The following CENPQ variants were observed in gnomAD, a reference collection of about 807,000 sequenced individuals.
CENPQ encodes the protein chromosome 6 open reading frame 139.
Under a neutral mutation model 36.6 loss-of-function variants are expected in CENPQ, and 27 were observed. The observed-to-expected ratio is 0.74, with a 90% confidence interval of 0.54 to 1.02. The LOEUF is 1.02. CENPQ is among the 50% of genes least tolerant of loss of function. The probability of loss-of-function intolerance (pLI) is 0.00; values close to 1 mark genes in which losing one functional copy is unlikely to be tolerated. For missense variants in CENPQ, 306 were observed against 301.8 expected, an observed-to-expected ratio of 1.01 and a Z score of -0.10; for synonymous variants, 101 against 101.7, an observed-to-expected ratio of 0.99 and a Z score of 0.04.
chr6:49,474,805 T>C (rs754359283), intron 5 of CENPQ, among the ~76,000 whole-genome samples: 2 of 151,678 alleles, frequency 1.3e-5, no homozygotes, highest in African/African-American at 2.4e-5. Flanking sequence ...ATAGATGCAA[T>C]AAAAAACTGA....
intron 4 of CENPQ, 66 bp from the exon 5 acceptor site, chr6:49,472,724 A>G (rs1007331157): frequency 1.5e-5 from 19 of 1,251,974 alleles, no homozygotes; most frequent in South Asian, 4.0e-5. Context: ...TCAGAGAGAA[A>G]AAGTACAAAG....
intron 2 of CENPQ, 56 bp from the exon 3 acceptor site, chr6:49,470,918 T>G: frequency 1.0e-6 from 1 of 975,508 alleles, no homozygotes; most frequent in Non-Finnish European, 1.5e-6. Flanking sequence ...AAAAGCAGGA[T>G]CCTTTTATCT....
intron 5 of CENPQ, among the ~76,000 whole-genome samples, chr6:49,478,066 A>G (rs1217475695): frequency 2.6e-5 from 4 of 152,122 alleles, no homozygotes; most frequent in Admixed American, 2.0e-4. Context: ...AGGCCTGACT[A>G]TTTCCTCCTT....
At chr6:49,466,705 T>G (rs1268489602) in intron 1 of CENPQ, among the ~76,000 whole-genome samples, 1 of 152,202 alleles carries the variant, frequency 6.6e-6, no homozygotes, top group Non-Finnish European at 1.5e-5. Context: ...GTTTATTGGA[T>G]TCTTACTATG....
intron 8 of CENPQ, 21 bp downstream of exon 8, chr6:49,488,705 T>C (rs373972605): frequency 1.5e-5 from 23 of 1,582,324 alleles, no homozygotes; most frequent in Non-Finnish European, 1.6e-5. Context: ...ATTTACCATA[T>C]TGATTACAGG....
chr6:49,468,786 A>G (rs1480599972), intron 1 of CENPQ, among the ~76,000 whole-genome samples: 1 of 152,190 alleles, frequency 6.6e-6, no homozygotes, highest in African/African-American at 2.4e-5. Flanking sequence ...AATGTGTACC[A>G]TTTTTAATCT....
chr6:49,472,215 T>C (rs1213783084), intron 4 of CENPQ, 32 bp downstream of exon 4: 1 of 1,560,706 alleles, frequency 6.4e-7, no homozygotes, highest in Non-Finnish European at 8.7e-7. Flanking sequence ...TTCATTCTTT[T>C]GGTTCCCATT....
At chr6:49,478,832 T>C (rs1193503007) in intron 5 of CENPQ, among the ~76,000 whole-genome samples, 1 of 152,166 alleles carries the variant, frequency 6.6e-6, no homozygotes, top group Non-Finnish European at 1.5e-5. Flanking sequence ...TTCCAGAAAG[T>C]CTGCCCTATA....
Position 49,480,103 on chromosome 6 carries a change from GA to G in CENPQ, c.348-847del, listed in dbSNP as rs1221273703. On this transcript the variant is annotated intron_variant, in intron 5 of 8. Transcript: ENST00000335783. ...ATGTATTCCTGAATCTAAAATAAAA[GA>G]TTTTTTTTTAATTAAGATTTTTAAC... Among the ~76,000 whole-genome samples the G allele has an allele frequency of 1.2e-4, 19 of 152,132 alleles. No homozygotes were observed. The East Asian group carries it at 3.5e-3, about 28-fold the overall frequency.
chr6:49,476,146 A>G (rs954190431), intron 5 of CENPQ, among the ~76,000 whole-genome samples: 2 of 152,210 alleles, frequency 1.3e-5, no homozygotes, highest in African/African-American at 2.4e-5. Context: ...ACAAAGCTGG[A>G]GGCATCACAC....
At chr6:49,466,271 A>G (rs552272408) in intron 1 of CENPQ, among the ~76,000 whole-genome samples, 1 of 152,318 alleles carries the variant, frequency 6.6e-6, no homozygotes, top group South Asian at 2.1e-4. Context: ...CAGATATAAT[A>G]ATGAAAAGGT....
Position 49,492,193 on chromosome 6 carries a change from T to G in CENPQ, c.725T>G (p.Leu242Trp). The G allele has an allele frequency of 1.2e-6, 2 of 1,609,134 alleles. No individual in the cohort carries two copies. Among genetic ancestry groups the G allele is most frequent in the Non-Finnish European group, 1.7e-6 (2 of 1,178,630 alleles). Reference protein sequence around the residue: ...IPNQNALLKDLDILHNSSQMK... With the variant: ...IPNQNALLKDWDILHNSSQMK... Reference sequence around the variant, plus strand: ...AACCAGAATGCTCTTCTAAAGGACTTGGATATTCTTCATAATTCATCACAG... The same window carrying G: ...AACCAGAATGCTCTTCTAAAGGACTGGGATATTCTTCATAATTCATCACAG... The change falls in exon 9 of 9, where the codon TTG (leucine) becomes TGG (tryptophan). Residue 242 changes from leucine (L) to tryptophan (W), a missense_variant. Transcript: ENST00000335783.
chr6:49,471,527 C>A (rs1336980772), intron 3 of CENPQ, among the ~76,000 whole-genome samples: 3 of 152,024 alleles, frequency 2.0e-5, no homozygotes, highest in Non-Finnish European at 4.4e-5. Flanking sequence ...GTGTACAATA[C>A]TTTTTTTTCC....
At position 49,470,974 on chromosome 6, in the gene CENPQ, G is replaced by T; in HGVS notation, c.103G>T (p.Val35Phe). Reference protein sequence around the residue: ...NEEVVLSENKVRNTVKKNKNH... With the variant: ...NEEVVLSENKFRNTVKKNKNH... ...TTTATGCATGTGTTTTTCCCTCTAG[G>T]TTAGAAACACAGTGAAAAAAAATAA... The change falls in exon 3 of 9, where the codon GTT becomes TTT. Residue 35 changes from valine to phenylalanine, a missense_variant and splice_region_variant. Coordinates refer to ENST00000335783, the MANE Select transcript of CENPQ (RefSeq NM_018132.4). 7 of 1,502,570 alleles carry T rather than the reference G, an allele frequency of 4.7e-6. No homozygotes were observed. Among genetic ancestry groups the T allele is most frequent in the Non-Finnish European group, 5.4e-6 (6 of 1,117,510 alleles). The allele number at this position is 1,502,570 out of a possible 1,614,324, so 93.1% of individuals were successfully genotyped here. A position where few individuals can be genotyped will look rare whatever the true frequency, so the allele number is the denominator to read the frequency against.
intron 5 of CENPQ, among the ~76,000 whole-genome samples, chr6:49,476,811 A>G (rs1357850260): frequency 2.0e-5 from 3 of 152,250 alleles, no homozygotes; most frequent in Non-Finnish European, 4.4e-5. Flanking sequence ...CAACAGACAC[A>G]TGAAAAAATG....
chr6:49,480,847 A>G (rs1349193241), intron 5 of CENPQ, 104 bp from the exon 6 acceptor site: 3 of 695,830 alleles, frequency 4.3e-6, no homozygotes, highest in Non-Finnish European at 4.3e-6. Flanking sequence ...ATAAAAGAAT[A>G]TTGTACCCTT....
intron 1 of CENPQ, among the ~76,000 whole-genome samples, chr6:49,467,404 AG>A (rs1246620162): frequency 6.6e-6 from 1 of 152,194 alleles, no homozygotes; most frequent in African/African-American, 2.4e-5. Context: ...TTAATACTAG[AG>A]GTTGCAGGGA....
chr6:49,478,002 C>A (rs1326662976), intron 5 of CENPQ, among the ~76,000 whole-genome samples: 1 of 152,140 alleles, frequency 6.6e-6, no homozygotes, highest in Non-Finnish European at 1.5e-5. Flanking sequence ...AGATTATATT[C>A]AACAGATAGG....
intron 6 of CENPQ, among the ~76,000 whole-genome samples, chr6:49,481,907 C>T (rs111784704): frequency 0.014 from 2,163 of 152,294 alleles, 21 homozygotes; most frequent in Middle Eastern, 0.027. Flanking sequence ...TTGGGCTGCA[C>T]AGGAGCCCAC....
Sources: gnomAD v4.1 joint callset for allele counts (sites outside exome capture counted in the v4.1 genomes callset) on GRCh38, gnomAD v4.1.1 for gene constraint, MANE v1.5 for transcripts, NCBI Gene and HGNC (gene_info 2026-07-23, HGNC 2026-07-21) for gene names.